AKT3: variants seen among roughly 807,000 people sequenced by gnomAD.
The protein encoded by AKT3 is RAC-gamma serine/threonine-protein kinase.
Under a neutral mutation model 65.3 loss-of-function variants are expected in AKT3, and 15 were observed. The observed-to-expected ratio is 0.23, with a 90% CI of 0.15 to 0.35. The LOEUF (loss-of-function observed/expected upper bound fraction) is 0.35, where lower values mean the gene tolerates loss of function less well. Among genes scored for constraint, AKT3 ranks in the 10% least tolerant of loss-of-function variants. The pLI is 1.00. For missense variants in AKT3, 243 were observed against 576.5 expected (o/e 0.42, Z 5.92); for synonymous variants, 206 against 183.8 (o/e 1.12, Z -0.98).
chr1:243,709,760 T>A (rs908826275), intron 2 of AKT3, among the ~76,000 whole-genome samples: 5 of 152,004 alleles, frequency 3.3e-5, no homozygotes, highest in Non-Finnish European at 7.4e-5. Context: ...CGTTTAAATA[T>A]CTCTTCAAAA....
At chr1:243,711,076 T>C (rs553606020) in intron 2 of AKT3, among the ~76,000 whole-genome samples, 1 of 152,206 alleles carries the variant, frequency 6.6e-6, no homozygotes, top group Non-Finnish European at 1.5e-5. Flanking sequence ...ATCCCAGCAC[T>C]TTGGGAGGCC....
chr1:243,773,843 C>T (rs904244687), intron 2 of AKT3, among the ~76,000 whole-genome samples: 5 of 152,168 alleles, frequency 3.3e-5, no homozygotes, highest in African/African-American at 4.8e-5. Context: ...CCCTAACAGA[C>T]GTCAATGTTT....
intron 3 of AKT3, among the ~76,000 whole-genome samples, chr1:243,667,577 CATT>C (rs1163170184): frequency 2.0e-5 from 3 of 152,202 alleles, no homozygotes; most frequent in East Asian, 1.9e-4. Flanking sequence ...ACTAAGCCAT[CATT>C]GTCTCTCACC....
intron 2 of AKT3, among the ~76,000 whole-genome samples, chr1:243,772,703 A>C (rs1342295583): frequency 2.0e-5 from 3 of 152,284 alleles, no homozygotes; most frequent in Admixed American, 6.5e-5. Context: ...CCCCAAAGGA[A>C]TATAAATCAT....
chr1:243,731,639 G>A (rs1330463230), intron 2 of AKT3, among the ~76,000 whole-genome samples: 1 of 152,030 alleles, frequency 6.6e-6, no homozygotes, highest in East Asian at 1.9e-4. Context: ...TAGAAGTGAC[G>A]CACTGAAAGA....
At chr1:243,709,255 A>C (rs1270802843) in intron 2 of AKT3, among the ~76,000 whole-genome samples, 4 of 150,160 alleles carry the variant, frequency 2.7e-5, no homozygotes, top group Non-Finnish European at 3.0e-5. Flanking sequence ...CACTTCTCCC[A>C]TATAGAAAAA....
chr1:243,835,797 GAAGAT>G (rs1429677266), intron 2 of AKT3, among the ~76,000 whole-genome samples: 1 of 151,776 alleles, frequency 6.6e-6, no homozygotes, highest in Non-Finnish European at 1.5e-5. Flanking sequence ...TAACTCAAAA[GAAGAT>G]AAGAAAGTAT....
chr1:243,825,733 C>A (rs1694126763), intron 2 of AKT3, among the ~76,000 whole-genome samples: 1 of 152,164 alleles, frequency 6.6e-6, no homozygotes, highest in African/African-American at 2.4e-5. Context: ...CGGCTACAAA[C>A]AGGAATTTGG....
chr1:243,775,201 G>A (rs1437622204), intron 2 of AKT3, among the ~76,000 whole-genome samples: 2 of 152,020 alleles, frequency 1.3e-5, no homozygotes, highest in East Asian at 3.9e-4. Flanking sequence ...TTTGTTTTGA[G>A]ACAGAGTCTC....
intron 1 of AKT3, 175 bp from the exon 2 acceptor site, chr1:243,843,457 A>T: frequency 9.3e-7 from 1 of 1,074,836 alleles, no homozygotes; most frequent in Non-Finnish European, 1.2e-6. Context: ...GCACTTCCCT[A>T]GTCTTGTGAC....
intron 8 of AKT3, among the ~76,000 whole-genome samples, chr1:243,582,816 T>G (rs1474940489): frequency 6.6e-6 from 1 of 151,930 alleles, no homozygotes; most frequent in African/African-American, 2.4e-5. Context: ...CAGAGTGGCA[T>G]GTTGGATAAA....
chr1:243,646,951 A>G (rs1174382037), intron 4 of AKT3, among the ~76,000 whole-genome samples: 3 of 152,198 alleles, frequency 2.0e-5, no homozygotes, highest in Non-Finnish European at 4.4e-5. Flanking sequence ...TTATTTTTCC[A>G]TGTGAATTTT....
chr1:243,718,846 A>T (rs1034791126), intron 2 of AKT3, among the ~76,000 whole-genome samples: 1 of 152,188 alleles, frequency 6.6e-6, no homozygotes, highest in African/African-American at 2.4e-5. Flanking sequence ...ATTCTATCCA[A>T]TATTTTGCAT....
At chr1:243,794,402 T>C (rs899800098) in intron 2 of AKT3, 2 of 152,252 alleles carry the variant, frequency 1.3e-5, no homozygotes, top group Non-Finnish European at 1.5e-5. Flanking sequence ...CAAATGCCCA[T>C]TTAATTGCTA....
chr1:243,609,588 G>A (rs984150705), intron 8 of AKT3, among the ~76,000 whole-genome samples: 2 of 152,136 alleles, frequency 1.3e-5, no homozygotes, highest in Non-Finnish European at 2.9e-5. Flanking sequence ...AGCCCAGGAG[G>A]CAGAAGTTGC....
chr1:243,738,700 C>G (rs1282142381), intron 2 of AKT3, among the ~76,000 whole-genome samples: 1 of 152,066 alleles, frequency 6.6e-6, no homozygotes, highest in African/African-American at 2.4e-5. Context: ...GATGGTAAAC[C>G]ATTACACACT....
intron 2 of AKT3, among the ~76,000 whole-genome samples, chr1:243,700,507 T>C (rs1685379817): frequency 7.5e-5 from 2 of 26,824 alleles, no homozygotes; most frequent in African/African-American, 1.2e-4. Flanking sequence ...GCTTAGTCTA[T>C]TTTTTTTTTT....
intron 4 of AKT3, among the ~76,000 whole-genome samples, chr1:243,658,899 G>C (rs569570000): frequency 6.7e-6 from 1 of 149,986 alleles, no homozygotes; most frequent in African/African-American, 2.5e-5. Context: ...ACTTAGTTGC[G>C]TGTGTGGCTG....
At chr1:243,544,496 C>G (rs1672525749) in intron 12 of AKT3, among the ~76,000 whole-genome samples, 1 of 151,894 alleles carries the variant, frequency 6.6e-6, no homozygotes, top group Non-Finnish European at 1.5e-5. Context: ...CTCATGCCTG[C>G]AGTCCGAGCT....
Sources: allele counts gnomAD v4.1 joint callset (sites outside exome capture counted in the v4.1 genomes callset), GRCh38; gene constraint gnomAD v4.1.1; transcripts MANE v1.5; gene names NCBI Gene and HGNC (gene_info 2026-07-23, HGNC 2026-07-21).